ELMO2: variants seen among roughly 807,000 people sequenced by gnomAD.
ELMO2 encodes engulfment and cell motility 2.
In ELMO2, 37 loss-of-function variants were observed where a neutral mutation model predicts 96.2. That is an observed-to-expected ratio of 0.38 (90% confidence interval 0.30 to 0.51). The LOEUF is 0.51. ELMO2 is among the 20% of genes least tolerant of loss of function. The pLI, the probability that ELMO2 is intolerant of heterozygous loss-of-function variation, is 0.88. For missense variants in ELMO2, 561 were observed against 912.6 expected (o/e 0.61, Z 4.96); for synonymous variants, 315 against 329.4 (o/e 0.96, Z 0.47).
rs773794464 is a variant in ELMO2, at chr20:46,371,790, CT to C, written c.1580+15del. On this transcript the variant is annotated intron_variant, in intron 17 of 21. Coordinates refer to ENST00000290246, the MANE Select transcript of ELMO2 (RefSeq NM_133171.5). The surrounding 1 kb of genome is among the most constrained non-coding windows in gnomAD (Gnocchi z 5.9). ...CAGCCACCTCCCCCGCCAGCCTCCCCTGAGATGGAACTTACACAATTGGCGG... is the reference window on the plus strand; with the variant it reads ...CAGCCACCTCCCCCGCCAGCCTCCCCGAGATGGAACTTACACAATTGGCGG... 1.5e-5 allele frequency: 24 copies of C among 1,614,054 alleles called. No individual in the cohort carries two copies. Among genetic ancestry groups the C allele is most frequent in the Non-Finnish European group, 2.0e-5 (24 of 1,179,906 alleles).
intron 2 of ELMO2, among the ~76,000 whole-genome samples, chr20:46,397,319 A>C (rs2060262803): frequency 6.6e-6 from 1 of 152,224 alleles, no homozygotes; most frequent in Admixed American, 6.5e-5. Flanking sequence ...AGCTGATGGG[A>C]CTAAAGTGAA....
chr20:46,391,587 T>C (rs2060151110), intron 6 of ELMO2, among the ~76,000 whole-genome samples: 2 of 152,164 alleles, frequency 1.3e-5, no homozygotes, highest in Admixed American at 6.5e-5. Context: ...CCATATTGGC[T>C]GTCTTCTTCA....
intron 1 of ELMO2, among the ~76,000 whole-genome samples, chr20:46,402,315 C>T (rs1446020031): frequency 6.6e-6 from 1 of 152,196 alleles, no homozygotes; most frequent in Non-Finnish European, 1.5e-5. Flanking sequence ...CAGGAAAATT[C>T]CCTCCAGGGT....
At chr20:46,404,141 T>C (rs1199755923) in intron 1 of ELMO2, among the ~76,000 whole-genome samples, 1 of 152,132 alleles carries the variant, frequency 6.6e-6, no homozygotes, top group Non-Finnish European at 1.5e-5. Context: ...TCAGCACCTC[T>C]GAGATGCTGC....
At chr20:46,406,227 G>A (rs949548875) in intron 1 of ELMO2, among the ~76,000 whole-genome samples, 2 of 148,122 alleles carry the variant, frequency 1.4e-5, no homozygotes, top group South Asian at 2.2e-4. Flanking sequence ...CCCACCCAAC[G>A]CCTCCCTCCT....
rs1487052859 is a variant in ELMO2 at position 46,389,104 on chromosome 20, G to C, written c.360C>G (p.Phe120Leu). The change falls in exon 7 of 22, where the codon TTC becomes TTG. Residue 120 changes from phenylalanine to leucine, a missense_variant. By Grantham distance (22) the Phe-to-Leu change is conservative. Coordinates refer to ENST00000290246, the MANE Select transcript of ELMO2 (RefSeq NM_133171.5). ...LSADVTFATE[F>L]INMDGIIVLT... ...GCACAATGATGCCATCCATGTTGAT[G>C]AACTCAGTAGCGAAAGTCACGTCGG... The C allele has an allele frequency of 1.9e-6, 3 of 1,614,028 alleles. No individual in the cohort carries two copies. The African/African-American group carries it at 4.0e-5, about 22-fold the overall frequency.
At position 46,374,530 on chromosome 20, in the gene ELMO2, C is replaced by T. The variant is rs1359542336; in HGVS notation, c.1170+6G>A. 10 of 1,613,998 alleles carry T rather than the reference C, an allele frequency of 6.2e-6. No homozygotes were observed. The highest frequency in any genetic ancestry group is 7.6e-6 in the Non-Finnish European group (9 of 1,179,966). Reference sequence around the variant, plus strand: ...GGACTGAGAAGGCCAGCTCCCCTGCCTTTACCCGGATGTAGGTGTCCTGGT... The same window carrying T: ...GGACTGAGAAGGCCAGCTCCCCTGCTTTTACCCGGATGTAGGTGTCCTGGT... On this transcript the variant is annotated splice_donor_region_variant and intron_variant, in intron 14 of 21. Coordinates refer to ENST00000290246, the MANE Select transcript of ELMO2 (RefSeq NM_133171.5).
At position 46,396,971 on chromosome 20, in the gene ELMO2, T is replaced by G. The variant is rs556089366; in HGVS notation, c.-51+1726A>C. Among the ~76,000 whole-genome samples, 3 of 152,288 alleles carry G rather than the reference T, an allele frequency of 2.0e-5. No individual in the cohort carries two copies. In the East Asian group the frequency reaches 5.8e-4, roughly 29 times the overall value. ...TCCTTACCAAATGAAGTTACACCCT[T>G]CCTTAATTTCGATGGTGCTGCTAAG... On this transcript the variant is annotated intron_variant, in intron 2 of 21. Coordinates refer to ENST00000290246, the MANE Select transcript of ELMO2 (RefSeq NM_133171.5).
intron 3 of ELMO2, 43 bp downstream of exon 3, chr20:46,394,362 G>T (rs1009429651): frequency 6.2e-7 from 1 of 1,603,630 alleles, no homozygotes. Context: ...GCACTCCCCA[G>T]GTGCCTTTCC....
At chr20:46,367,708 A>C (rs2059612589) in intron 21 of ELMO2, 148 bp from the exon 22 acceptor site, 2 of 501,916 alleles carry the variant, frequency 4.0e-6, no homozygotes, top group Non-Finnish European at 6.6e-6. Context: ...AGCAAAGATA[A>C]ATTAGGAGGT....
chr20:46,395,048 C>T (rs1404005035), intron 2 of ELMO2, among the ~76,000 whole-genome samples: 1 of 152,162 alleles, frequency 6.6e-6, no homozygotes, highest in African/African-American at 2.4e-5. Context: ...TCAAAGGACA[C>T]AATGCAAAGC....
In ELMO2 at chr20:46,393,478, C is replaced by A. The variant is rs377573706; in HGVS notation, c.192+51G>T. 1.0e-3 allele frequency: 1,631 copies of A among 1,584,864 alleles called. 4 individuals are homozygous for A. Among genetic ancestry groups the A allele is most frequent in the Non-Finnish European group, 1.3e-3 (1,535 of 1,157,104 alleles). ...GATAAATAGTGCCGTCTCCTTGGGT[C>A]GTTTAATTCCAAGCAAGGCCCATAT... On this transcript the variant is annotated intron_variant, in intron 5 of 21. Transcript: ENST00000290246.
chr20:46,393,181 T>C, intron 5 of ELMO2, 38 bp from the exon 6 acceptor site: 1 of 1,595,962 alleles, frequency 6.3e-7, no homozygotes, highest in Non-Finnish European at 8.6e-7. Flanking sequence ...GTAACTAAGA[T>C]AAAATGTTAA....
rs1460567827 is a variant in ELMO2 at position 46,366,792 on chromosome 20, A to AC, written c.*567dup. On this transcript the variant is annotated 3_prime_UTR_variant, in exon 22 of 22. Coordinates refer to ENST00000290246, the MANE Select transcript of ELMO2 (RefSeq NM_133171.5). ...CCAGAGAGATCTGGTGGCTCTAAAG[A>AC]CCAGAGATGTTAGAGCCAACCTCAG... 6.6e-6 allele frequency: 1 copy of AC among 152,632 alleles called. No individual in the cohort carries two copies. Among genetic ancestry groups the AC allele is most frequent in the African/African-American group, 2.4e-5 (1 of 41,428 alleles). 9.5% of individuals were successfully genotyped at this position (152,632 alleles called of 1,614,324 possible).
chr20:46,369,961 G>GGTGTGTGTGTGTGTGT (rs200632114), intron 20 of ELMO2: 26 of 50,262 alleles, frequency 5.2e-4, no homozygotes, highest in African/African-American at 1.4e-3. Flanking sequence ...TGGGTATGGG[G>GGTGTGTGTGTGTGTGT]GTGTGTGTGT....
In ELMO2 at chr20:46,367,172, C is replaced by T. The variant is rs566287464; in HGVS notation, c.*188G>A. 5.8e-4 allele frequency: 309 copies of T among 530,604 alleles called. No homozygotes were observed. Among genetic ancestry groups the T allele is most frequent in the Non-Finnish European group, 8.3e-4 (259 of 312,446 alleles). 32.9% of individuals were successfully genotyped at this position (530,604 alleles called of 1,614,324 possible). A position where few individuals can be genotyped will look rare whatever the true frequency, so the allele number is the denominator to read the frequency against. The stretch of plus-strand genomic sequence containing the variant: ...TGGGCAGAGCACCCTGCCTTCATGA[C>T]TCTTAGTAGACAGGGACCAAGAGGA... On this transcript the variant is annotated 3_prime_UTR_variant, in exon 22 of 22. Coordinates refer to ENST00000290246, the MANE Select transcript of ELMO2 (RefSeq NM_133171.5).
intron 13 of ELMO2, 136 bp from the exon 14 acceptor site, chr20:46,374,776 C>T: frequency 7.0e-6 from 5 of 717,454 alleles, no homozygotes; most frequent in Non-Finnish European, 7.1e-6. Flanking sequence ...TTTTCACACC[C>T]ATCACCACCA....
At chr20:46,374,498 G>A (rs2059812716) in intron 14 of ELMO2, 38 bp downstream of exon 14, 5 of 1,611,672 alleles carry the variant, frequency 3.1e-6, no homozygotes, top group Admixed American at 1.7e-5. Flanking sequence ...CAGGAGATGT[G>A]GCACCAGGAC....
At chr20:46,397,688 C>A (rs960360133) in intron 2 of ELMO2, among the ~76,000 whole-genome samples, 1 of 152,026 alleles carries the variant, frequency 6.6e-6, no homozygotes, top group African/African-American at 2.4e-5. Flanking sequence ...TACACACATA[C>A]ATACATACAA....
Sources: gnomAD v4.1 joint callset for allele counts (sites outside exome capture counted in the v4.1 genomes callset) on GRCh38, gnomAD v4.1.1 for gene constraint, Gnocchi (gnomAD v3.1) non-coding constraint, MANE v1.5 for transcripts, NCBI Gene and HGNC (gene_info 2026-07-23, HGNC 2026-07-21) for gene names.